The following TEC variants were observed in gnomAD, a reference collection of about 807,000 sequenced individuals.
TEC encodes the protein tec protein tyrosine kinase.
TEC carries 72 observed loss-of-function variants against 93.0 expected under a neutral mutation model. The observed-to-expected ratio is 0.77, with a 90% CI of 0.64 to 0.94. TEC has a LOEUF of 0.94. TEC is among the 40% of genes least tolerant of loss of function. TEC has a pLI of 0.00. For synonymous variants in TEC, 249 were observed against 247.7 expected, an observed-to-expected ratio of 1.01 and a Z score of -0.05; for missense variants, 630 against 757.9, an observed-to-expected ratio of 0.83 and a Z score of 1.98.
intron 1 of TEC, among the ~76,000 whole-genome samples, chr4:48,254,201 G>C (rs990737213): frequency 6.6e-6 from 1 of 152,206 alleles, no homozygotes; most frequent in Non-Finnish European, 1.5e-5. Flanking sequence ...AGCAGAGCTG[G>C]GAGAGATGAC....
At chr4:48,153,578 TG>T (rs1373991442) in intron 9 of TEC, 1 of 152,186 alleles carries the variant, frequency 6.6e-6, no homozygotes, top group Non-Finnish European at 1.5e-5. Flanking sequence ...CACTAAGCTG[TG>T]GGAGTTATTT....
chr4:48,263,441 C>T lies in TEC; in HGVS notation c.-46+6311G>A, dbSNP rs563747971. On this transcript the variant is annotated intron_variant, in intron 1 of 17. Coordinates refer to ENST00000381501, the MANE Select transcript of TEC (RefSeq NM_003215.3). ...CAAGAAACAGGAACAATAGGCCAGGCGGTGGCTCACACCTGTAATCTCAGC... is the reference window on the plus strand; with the variant it reads ...CAAGAAACAGGAACAATAGGCCAGGTGGTGGCTCACACCTGTAATCTCAGC... Among the ~76,000 whole-genome samples, 14 of 152,204 alleles carry T rather than the reference C, an allele frequency of 9.2e-5. No homozygotes were observed. The South Asian group carries it at 1.7e-3, about 18-fold the overall frequency.
At chr4:48,264,316 A>T (rs956556421) in intron 1 of TEC, among the ~76,000 whole-genome samples, 1 of 152,214 alleles carries the variant, frequency 6.6e-6, no homozygotes, top group African/African-American at 2.4e-5. Context: ...CACTCCAACC[A>T]GTTAGGTGAC....
At chr4:48,143,156 C>T (rs1281325159) in intron 14 of TEC, among the ~76,000 whole-genome samples, 2 of 152,216 alleles carry the variant, frequency 1.3e-5, no homozygotes, top group Non-Finnish European at 2.9e-5. Flanking sequence ...CTGCCTGCAT[C>T]TTCCTATGAA....
intron 3 of TEC, among the ~76,000 whole-genome samples, chr4:48,173,444 G>A (rs1021837222): frequency 1.7e-5 from 2 of 114,466 alleles, no homozygotes; most frequent in African/African-American, 3.1e-5. Context: ...GGCTGAAGAG[G>A]TATTTGTGGG....
chr4:48,152,479 C>A (rs1441566912), intron 9 of TEC, among the ~76,000 whole-genome samples: 1 of 150,128 alleles, frequency 6.7e-6, no homozygotes, highest in African/African-American at 2.4e-5. Flanking sequence ...TAAATAAATA[C>A]AGTCTAACAG....
intron 1 of TEC, among the ~76,000 whole-genome samples, chr4:48,258,112 C>A (rs532721722): frequency 6.7e-6 from 1 of 150,356 alleles, no homozygotes; most frequent in South Asian, 2.1e-4. Flanking sequence ...ATGTACAGAT[C>A]GATTCATTTT....
At chr4:48,143,493 C>T (rs1719769870) in intron 14 of TEC, among the ~76,000 whole-genome samples, 1 of 152,192 alleles carries the variant, frequency 6.6e-6, no homozygotes, top group Admixed American at 6.5e-5. Flanking sequence ...ATGTTATCTA[C>T]AGCATGTCTA....
intron 2 of TEC, among the ~76,000 whole-genome samples, chr4:48,195,990 C>T (rs1484311392): frequency 6.6e-6 from 1 of 152,188 alleles, no homozygotes; most frequent in Non-Finnish European, 1.5e-5. Flanking sequence ...CTTCCTTACC[C>T]CCGCCTCACC....
At chr4:48,222,079 C>T (rs1723284761) in intron 2 of TEC, among the ~76,000 whole-genome samples, 2 of 152,064 alleles carry the variant, frequency 1.3e-5, no homozygotes, top group South Asian at 2.1e-4. Context: ...GGGGATTGAA[C>T]TATGTCAGAA....
At chr4:48,269,316 A>G (rs1406744796) in intron 1 of TEC, among the ~76,000 whole-genome samples, 3 of 152,230 alleles carry the variant, frequency 2.0e-5, no homozygotes, top group Non-Finnish European at 4.4e-5. Flanking sequence ...AGGTATATCT[A>G]TCTCGACACT....
intron 5 of TEC, among the ~76,000 whole-genome samples, chr4:48,168,852 C>T (rs1305275311): frequency 2.6e-5 from 4 of 152,188 alleles, no homozygotes; most frequent in African/African-American, 9.7e-5. Flanking sequence ...ATAAATGCCA[C>T]AGGGATTGAA....
rs77413640 is a variant in TEC at position 48,171,157 on chromosome 4, T to C, written c.325+211A>G. Among the ~76,000 whole-genome samples, 1,092 of 152,332 alleles carry C rather than the reference T, an allele frequency of 7.2e-3. 15 individuals carry two copies. Among genetic ancestry groups the C allele is most frequent in the African/African-American group, 0.025 (1,029 of 41,560 alleles). On this transcript the variant is annotated intron_variant, in intron 4 of 17. Transcript: ENST00000381501. ...GAGAGCGTGCTTTTCTTAGAAACTATATGCTACTAGAAAAAAATCAGATTT... is the reference window on the plus strand; with the variant it reads ...GAGAGCGTGCTTTTCTTAGAAACTACATGCTACTAGAAAAAAATCAGATTT...
intron 1 of TEC, among the ~76,000 whole-genome samples, chr4:48,260,784 A>C (rs1256006820): frequency 6.6e-6 from 1 of 152,254 alleles, no homozygotes; most frequent in Non-Finnish European, 1.5e-5. Context: ...TTACATAAAC[A>C]GTTGTAACAT....
At chr4:48,177,215 G>T in intron 2 of TEC, among the ~76,000 whole-genome samples, 1 of 152,084 alleles carries the variant, frequency 6.6e-6, no homozygotes, top group Non-Finnish European at 1.5e-5. Flanking sequence ...ATAATATAAT[G>T]CAGCCACTAA....
At chr4:48,180,424 T>C (rs1156247023) in intron 2 of TEC, among the ~76,000 whole-genome samples, 1 of 152,056 alleles carries the variant, frequency 6.6e-6, no homozygotes, top group African/African-American at 2.4e-5. Flanking sequence ...CATAATATGA[T>C]GGGTGGAAGG....
chr4:48,243,252 G>A (rs2457412), intron 1 of TEC, among the ~76,000 whole-genome samples: 35,827 of 152,100 alleles, frequency 0.24, 4,720 homozygotes, highest in African/African-American at 0.36. Context: ...TTCTGGCCAA[G>A]AACCCTGATT....
chr4:48,138,688 C>T lies in TEC; in HGVS notation c.1789G>A (p.Val597Met). Residue 597 changes from valine (V) to methionine (M), a missense_variant, in exon 17 of 18, where the codon GTG (valine) becomes ATG (methionine). By Grantham distance (21) the Val-to-Met change is conservative (BLOSUM62 1). Transcript: ENST00000381501. ...ACCTCCTGCCAACATCTCAGCATCA[C>T]CTCATACACATAGTTGGACGCCAAC... ...PKLASNYVYE[V>M]MLRCWQEKPE... is the part of the protein sequence containing the mutation. The T allele has an allele frequency of 6.2e-7, 1 of 1,613,414 alleles. No homozygotes were observed.
At chr4:48,241,421 C>G (rs1261769515) in intron 1 of TEC, among the ~76,000 whole-genome samples, 2 of 152,124 alleles carry the variant, frequency 1.3e-5, no homozygotes, top group East Asian at 3.8e-4. Context: ...TGGAACCCAG[C>G]CACCATACTG....
Sources: allele counts gnomAD v4.1 joint callset (sites outside exome capture counted in the v4.1 genomes callset), GRCh38; gene constraint gnomAD v4.1.1; transcripts MANE v1.5; gene names NCBI Gene and HGNC (gene_info 2026-07-23, HGNC 2026-07-21).